Variants in CMYA5 observed in about 807,000 individuals in gnomAD.
CMYA5 encodes cardiomyopathy associated 5, also known as cardiomyopathy-associated protein 5.
In CMYA5, 246 loss-of-function variants were observed where a neutral mutation model predicts 318.9. That is an observed-to-expected ratio of 0.77 (90% CI 0.70 to 0.86). The LOEUF is 0.86. Among genes scored for constraint, CMYA5 ranks in the 40% least tolerant of loss-of-function variants. The pLI, the probability that CMYA5 is intolerant of heterozygous loss-of-function variation, is 0.00. For missense variants in CMYA5, 4,589 were observed against 4,678.2 expected, an observed-to-expected ratio of 0.98 and a Z score of 0.56; for synonymous variants, 1,641 against 1,729.5, an observed-to-expected ratio of 0.95 and a Z score of 1.27.
At chr5:79,713,062 C>T (rs1827429115) in intron 1 of CMYA5, among the ~76,000 whole-genome samples, 1 of 152,336 alleles carries the variant, frequency 6.6e-6, no homozygotes, top group South Asian at 2.1e-4. Context: ...TGAACATTCT[C>T]ATCCTCCATG....
chr5:79,693,336 A>ATTTT (rs11319092), intron 1 of CMYA5, among the ~76,000 whole-genome samples: 19 of 135,634 alleles, frequency 1.4e-4, no homozygotes, highest in Non-Finnish European at 1.1e-4. Context: ...AAGTCACACA[A>ATTTT]TTTTTTTTTT....
chr5:79,730,795 T>C lies in CMYA5; in HGVS notation c.2030T>C (p.Met677Thr). 6.2e-7 allele frequency: 1 copy of C among 1,613,832 alleles called. No individual in the cohort carries two copies. Among genetic ancestry groups the C allele is most frequent in the Non-Finnish European group, 8.5e-7 (1 of 1,179,846 alleles). ...PLFSTVTPEY[M>T]VLSGDEASES... is the part of the protein sequence containing the mutation. ...TTTTCAACAGTTACACCAGAATACA[T>C]GGTCCTATCAGGAGACGAGGCCTCA... The change falls in exon 2 of 13, where the codon ATG becomes ACG. Residue 677 changes from methionine to threonine, a missense_variant. Around this residue, in one of 3 missense-constraint regions of CMYA5, gnomAD observed 2,132 missense variants for 2,131.3 expected, o/e 1.00. Coordinates refer to ENST00000446378, the MANE Select transcript of CMYA5 (RefSeq NM_153610.5).
At position 79,732,134 on chromosome 5, in the gene CMYA5, T is replaced by A; in HGVS notation, c.3369T>A (p.Ser1123=). The change falls in exon 2 of 13, where the codon TCT becomes TCA. Residue 1123 remains serine (S), a synonymous_variant. Coordinates refer to ENST00000446378, the MANE Select transcript of CMYA5 (RefSeq NM_153610.5). ...QKTQAYLEPE[S]EDLIPSHLTS... is the part of the protein sequence containing the mutation. ...CTCAAGCATATTTAGAGCCTGAGTCTGAAGACTTGATTCCTTCACATTTAA... is the reference window on the plus strand; with the variant it reads ...CTCAAGCATATTTAGAGCCTGAGTCAGAAGACTTGATTCCTTCACATTTAA... 1 of 1,613,992 alleles carries A rather than the reference T, an allele frequency of 6.2e-7. No homozygotes were observed. The highest frequency in any genetic ancestry group is 2.2e-5 in the East Asian group (1 of 44,884).
intron 12 of CMYA5, 68 bp from the exon 13 acceptor site, chr5:79,799,302 A>G: frequency 1.1e-5 from 17 of 1,500,980 alleles, no homozygotes; most frequent in Non-Finnish European, 1.5e-5. Flanking sequence ...GTTATTCCCA[A>G]GTGACTTTCC....
At chr5:79,785,221 A>G (rs1173877091) in intron 9 of CMYA5, among the ~76,000 whole-genome samples, 1 of 152,120 alleles carries the variant, frequency 6.6e-6, no homozygotes, top group Non-Finnish European at 1.5e-5. Context: ...TTTATAATTT[A>G]GAATTCCTGG....
At chr5:79,692,538 A>C (rs977385705) in intron 1 of CMYA5, among the ~76,000 whole-genome samples, 1 of 152,216 alleles carries the variant, frequency 6.6e-6, no homozygotes, top group African/African-American at 2.4e-5. Flanking sequence ...CAGTGATATG[A>C]ATGTGACATG....
chr5:79,746,979 A>T (rs1017389230), intron 4 of CMYA5, 112 bp from the exon 5 acceptor site: 2 of 670,252 alleles, frequency 3.0e-6, no homozygotes, highest in Non-Finnish European at 5.1e-6. Flanking sequence ...AAACGTGGGT[A>T]ATCTTAATGC....
chr5:79,785,539 A>G (rs768451041), intron 9 of CMYA5, among the ~76,000 whole-genome samples: 1 of 152,026 alleles, frequency 6.6e-6, no homozygotes, highest in African/African-American at 2.4e-5. Flanking sequence ...GTCTGTCACT[A>G]TTCTAAATAA....
intron 1 of CMYA5, among the ~76,000 whole-genome samples, chr5:79,713,179 A>G (rs764169344): frequency 1.3e-5 from 2 of 152,118 alleles, no homozygotes; most frequent in East Asian, 1.9e-4. Context: ...TACATATCTG[A>G]AGACATTTTT....
chr5:79,703,814 C>T (rs145923899), intron 1 of CMYA5, among the ~76,000 whole-genome samples: 25 of 152,224 alleles, frequency 1.6e-4, no homozygotes, highest in Middle Eastern at 3.4e-3. Context: ...ATTCTAGGGC[C>T]GGGAACAGTG....
intron 6 of CMYA5, among the ~76,000 whole-genome samples, chr5:79,753,154 A>C (rs1189443792): frequency 1.3e-5 from 2 of 151,992 alleles, no homozygotes; most frequent in Admixed American, 1.3e-4. Flanking sequence ...AAGAAGTCAA[A>C]TGTTTTCCTA....
At chr5:79,692,717 T>A (rs988496725) in intron 1 of CMYA5, among the ~76,000 whole-genome samples, 1 of 152,238 alleles carries the variant, frequency 6.6e-6, no homozygotes, top group Non-Finnish European at 1.5e-5. Context: ...TGGTTCTTAG[T>A]AGGTTCCCAT....
In CMYA5 at chr5:79,696,803, C is replaced by T. The variant is rs1013326504; in HGVS notation, c.149+6747C>T. On this transcript the variant is annotated intron_variant, in intron 1 of 12. Transcript: ENST00000446378. Reference sequence around the variant, plus strand: ...GGCAGGTCACCTGAGGTCAGGAGTTCGAGACCAGCCTGGCCAACATGGCGA... The same window carrying T: ...GGCAGGTCACCTGAGGTCAGGAGTTTGAGACCAGCCTGGCCAACATGGCGA... 5.3e-5 allele frequency among the ~76,000 whole-genome samples: 8 copies of T among 152,058 alleles called. No homozygotes were observed. In the East Asian group the frequency reaches 1.4e-3, roughly 26 times the overall value.
intron 5 of CMYA5, among the ~76,000 whole-genome samples, chr5:79,747,940 T>C (rs1828358651): frequency 6.6e-6 from 1 of 152,232 alleles, no homozygotes; most frequent in Admixed American, 6.5e-5. Flanking sequence ...CAGAAATTTG[T>C]ATCTATAATG....
intron 9 of CMYA5, among the ~76,000 whole-genome samples, chr5:79,786,213 C>G (rs113469452): frequency 2.0e-5 from 3 of 152,194 alleles, no homozygotes; most frequent in African/African-American, 4.8e-5. Flanking sequence ...CACCAGCAAT[C>G]GACTTCATGG....
intron 5 of CMYA5, 91 bp from the exon 6 acceptor site, chr5:79,752,585 C>A: frequency 2.3e-6 from 2 of 860,676 alleles, no homozygotes; most frequent in Non-Finnish European, 3.7e-6. Flanking sequence ...ACCACCACTA[C>A]CAACACCAGC....
chr5:79,761,794 A>G lies in CMYA5; in HGVS notation c.11261-17A>G. Reference sequence around the variant, plus strand: ...ACTTTGGAAGATGTCTTCGATTTTAATTGTGTCTTATGCTAGAGTTGGTAG... The same window carrying G: ...ACTTTGGAAGATGTCTTCGATTTTAGTTGTGTCTTATGCTAGAGTTGGTAG... On this transcript the variant is annotated splice_polypyrimidine_tract_variant and intron_variant, in intron 7 of 12. Coordinates refer to ENST00000446378, the MANE Select transcript of CMYA5 (RefSeq NM_153610.5). The G allele has an allele frequency of 6.2e-7, 1 of 1,601,564 alleles. No homozygotes were observed. Among genetic ancestry groups the G allele is most frequent in the Non-Finnish European group, 8.5e-7 (1 of 1,173,986 alleles).
intron 6 of CMYA5, among the ~76,000 whole-genome samples, chr5:79,753,660 A>G (rs1264777267): frequency 2.7e-5 from 4 of 150,546 alleles, no homozygotes; most frequent in Non-Finnish European, 4.4e-5. Context: ...TAAATTGATG[A>G]TTAACATTCA....
intron 10 of CMYA5, 68 bp from the exon 11 acceptor site, chr5:79,790,902 G>A: frequency 9.8e-7 from 1 of 1,020,480 alleles, no homozygotes; most frequent in Non-Finnish European, 1.5e-6. Flanking sequence ...CTGAAATGTG[G>A]GGCTTAGCCT....
Sources: allele counts gnomAD v4.1 joint callset (sites outside exome capture counted in the v4.1 genomes callset), GRCh38; gene constraint gnomAD v4.1.1; regional missense constraint gnomAD v4.1.1; transcripts MANE v1.5; gene names NCBI Gene and HGNC (gene_info 2026-07-23, HGNC 2026-07-21).